The following NGRN variants were observed in gnomAD, a reference collection of about 807,000 sequenced individuals.
The protein encoded by NGRN is neugrin, neurite outgrowth associated.
In NGRN, 12 loss-of-function variants were observed where a neutral mutation model predicts 13.1. The observed-to-expected ratio is 0.92, with a 90% CI of 0.59 to 1.49. The LOEUF is 1.49. Ranked by LOEUF, NGRN falls within the 40% of genes most tolerant of loss-of-function variation. The pLI, the probability that NGRN is intolerant of heterozygous loss-of-function variation, is 0.00. For missense variants in NGRN, 397 were observed against 357.0 expected, an observed-to-expected ratio of 1.11 and a Z score of -0.90; for synonymous variants, 149 against 145.8, an observed-to-expected ratio of 1.02 and a Z score of -0.16.
chr15:90,270,026 C>G (rs951124846), intron 2 of NGRN, among the ~76,000 whole-genome samples: 8 of 152,198 alleles, frequency 5.3e-5, no homozygotes, highest in African/African-American at 1.9e-4. Context: ...TCTGCCTATA[C>G]TTTTGTCACT....
intron 2 of NGRN, among the ~76,000 whole-genome samples, chr15:90,269,400 A>G (rs1963474890): frequency 6.6e-6 from 1 of 151,922 alleles, no homozygotes; most frequent in Non-Finnish European, 1.5e-5. Flanking sequence ...ATATAGGTGT[A>G]CATGTGCCAT....
At chr15:90,268,228 C>G (rs945327131) in intron 2 of NGRN, among the ~76,000 whole-genome samples, 3 of 151,674 alleles carry the variant, frequency 2.0e-5, no homozygotes, top group African/African-American at 7.3e-5. Context: ...GTCTCAAACC[C>G]CTGACCTCAG....
chr15:90,271,438 C>T lies in NGRN; in HGVS notation c.526C>T (p.Pro176Ser), dbSNP rs370660196. Residue 176 changes from proline to serine, a missense_variant, in exon 3 of 3, where the codon CCA becomes TCA. Transcript: ENST00000379095. ...GHSVSGSLLM[P>S]GHEASSKDPN... is the part of the protein sequence containing the mutation. ...CTCTGTATCAGGCTCTTTGCTTATG[C>T]CAGGGCATGAAGCCTCATCTAAAGA... 1.9e-5 allele frequency: 31 copies of T among 1,613,874 alleles called. No homozygotes were observed. The highest frequency in any genetic ancestry group is 1.1e-4 in the East Asian group (5 of 44,904).
At chr15:90,266,157 C>T in intron 1 of NGRN, 131 bp from the exon 2 acceptor site, 1 of 1,472,286 alleles carries the variant, frequency 6.8e-7, no homozygotes, top group South Asian at 1.4e-5. Flanking sequence ...CAGCTCTAAG[C>T]CGGCAACATG....
At chr15:90,268,402 AAAAC>A (rs1434237681) in intron 2 of NGRN, among the ~76,000 whole-genome samples, 1 of 151,914 alleles carries the variant, frequency 6.6e-6, no homozygotes, top group African/African-American at 2.4e-5. Context: ...GGAAAAAAAA[AAAAC>A]AGTCCATTAA....
chr15:90,265,851 G>A lies in NGRN; in HGVS notation c.139G>A (p.Glu47Lys), dbSNP rs761237229. 1.2e-6 allele frequency: 2 copies of A among 1,605,558 alleles called. No individual in the cohort carries two copies. The highest frequency in any genetic ancestry group is 1.7e-6 in the Non-Finnish European group (2 of 1,176,262). Residue 47 changes from glutamate to lysine, a missense_variant, in exon 1 of 3, where the codon GAA (glutamate) becomes AAA (lysine). Coordinates refer to ENST00000379095, the MANE Select transcript of NGRN (RefSeq NM_001033088.3). Reference protein sequence around the residue: ...PDPDSDWEPEERELQEVESTL... With the variant: ...PDPDSDWEPEKRELQEVESTL... ...CCCCGATTCCGACTGGGAGCCGGAG[G>A]AACGGGAGCTGCAGGAGGTGGAGAG...
intron 2 of NGRN, among the ~76,000 whole-genome samples, chr15:90,269,610 A>G (rs1963477269): frequency 6.6e-6 from 1 of 151,936 alleles, no homozygotes; most frequent in Non-Finnish European, 1.5e-5. Context: ...TCCCTGCCTG[A>G]TGCTAGCCAC....
At chr15:90,270,722 CTGT>C (rs1276504080) in intron 2 of NGRN, among the ~76,000 whole-genome samples, 1 of 152,330 alleles carries the variant, frequency 6.6e-6, no homozygotes, top group East Asian at 1.9e-4. Context: ...TCAGGTGTTG[CTGT>C]TGACACACAG....
Position 90,271,407 on chromosome 15 carries a change from A to C in NGRN, c.495A>C (p.Ala165=). 6.2e-7 allele frequency: 1 copy of C among 1,614,060 alleles called. No individual in the cohort carries two copies. Among genetic ancestry groups the C allele is most frequent in the South Asian group, 1.1e-5 (1 of 91,090 alleles). Residue 165 remains alanine, a synonymous_variant, in exon 3 of 3, where the codon GCA becomes GCC. Coordinates refer to ENST00000379095, the MANE Select transcript of NGRN (RefSeq NM_001033088.3). ...GAAATACCTCAAAGCTGCTCCCTGC[A>C]GGCCACTCTGTATCAGGCTCTTTGC... is the stretch of plus-strand genomic sequence containing the variant. The part of the protein sequence containing the change: ...GSGNTSKLLP[A]GHSVSGSLLM...
intron 2 of NGRN, among the ~76,000 whole-genome samples, chr15:90,269,351 T>C (rs1425259210): frequency 6.6e-6 from 1 of 151,702 alleles, no homozygotes; most frequent in East Asian, 1.9e-4. Flanking sequence ...AATTTTACTT[T>C]AAGTTCTGGG....
rs1239868736 is a variant in NGRN at position 90,271,406 on chromosome 15, C to G, written c.494C>G (p.Ala165Gly). The stretch of plus-strand genomic sequence containing the variant: ...GGAAATACCTCAAAGCTGCTCCCTG[C>G]AGGCCACTCTGTATCAGGCTCTTTG... ...GSGNTSKLLP[A>G]GHSVSGSLLM... Residue 165 changes from alanine (A) to glycine (G), a missense_variant, in exon 3 of 3, where the codon GCA becomes GGA. By Grantham distance (60) the Ala-to-Gly change is moderately conservative (BLOSUM62 0). Coordinates refer to ENST00000379095, the MANE Select transcript of NGRN (RefSeq NM_001033088.3). The G allele has an allele frequency of 1.9e-6, 3 of 1,613,930 alleles. No homozygotes were observed. Among genetic ancestry groups the G allele is most frequent in the Non-Finnish European group, 2.5e-6 (3 of 1,179,994 alleles).
rs777976665 is a variant in NGRN at position 90,265,918 on chromosome 15, C to G, written c.164+42C>G. ...GGGCCCTCAGCTTGAAGCAGGGCCT[C>G]GTGCCCCGGCGCTCCAGGCCGCGCC... On this transcript the variant is annotated intron_variant, in intron 1 of 2. Transcript: ENST00000379095. 1.7e-5 allele frequency: 24 copies of G among 1,445,874 alleles called. No homozygotes were observed. In the African/African-American group the frequency reaches 2.9e-4, roughly 18 times the overall value. 89.6% of individuals were successfully genotyped at this position (1,445,874 alleles called of 1,614,324 possible).
Position 90,271,995 on chromosome 15 carries a change from A to G in NGRN, c.*207A>G, listed in dbSNP as rs1963512859. The G allele has an allele frequency of 3.3e-6, 2 of 603,588 alleles. No homozygotes were observed. Among genetic ancestry groups the G allele is most frequent in the Non-Finnish European group, 5.7e-6 (2 of 351,630 alleles). The allele number at this position is 603,588 out of a possible 1,614,324, so 37.4% of individuals were successfully genotyped here. A position where few individuals can be genotyped will look rare whatever the true frequency, so the allele number is the denominator to read the frequency against. ...AGTCTGACCTCTGTAGACCTTCAGTACTCACTCTTCTTGCTTAGGCTCTCT... is the reference window on the plus strand; with the variant it reads ...AGTCTGACCTCTGTAGACCTTCAGTGCTCACTCTTCTTGCTTAGGCTCTCT... On this transcript the variant is annotated 3_prime_UTR_variant, in exon 3 of 3. Transcript: ENST00000379095.
chr15:90,265,944 C>T (rs1780595699), intron 1 of NGRN, 68 bp downstream of exon 1: 7 of 1,431,338 alleles, frequency 4.9e-6, no homozygotes, highest in Non-Finnish European at 6.4e-6. Flanking sequence ...AGGCCGCGCC[C>T]CCTTGGCGCC....
At position 90,268,001 on chromosome 15, in the gene NGRN, G is replaced by A. The variant is rs143689904; in HGVS notation, c.275+1603G>A. Among the ~76,000 whole-genome samples, 161 of 151,900 alleles carry A rather than the reference G, an allele frequency of 1.1e-3. 2 individuals carry two copies. In the East Asian group the frequency reaches 0.024, roughly 22 times the overall value. ...GTCAGGTCTAGCTCCTCTTTTTTTC[G>A]TTTGTTTGTTTGTTTTTTGTTTGAG... On this transcript the variant is annotated intron_variant, in intron 2 of 2. Coordinates refer to ENST00000379095, the MANE Select transcript of NGRN (RefSeq NM_001033088.3).
At position 90,271,401 on chromosome 15, in the gene NGRN, C is replaced by T. The variant is rs760217610; in HGVS notation, c.489C>T (p.Leu163=). ...LRGSGNTSKL[L]PAGHSVSGSL... ...GCTCTGGAAATACCTCAAAGCTGCT[C>T]CCTGCAGGCCACTCTGTATCAGGCT... Residue 163 remains leucine (L), a synonymous_variant, in exon 3 of 3, where the codon CTC becomes CTT. Transcript: ENST00000379095. The T allele has an allele frequency of 1.2e-6, 2 of 1,614,002 alleles. No homozygotes were observed. The highest frequency in any genetic ancestry group is 1.1e-5 in the South Asian group (1 of 91,082).
chr15:90,271,801 CT>C lies in NGRN; in HGVS notation c.*15del, dbSNP rs748242047. 3 of 1,610,486 alleles carry C rather than the reference CT, an allele frequency of 1.9e-6. No homozygotes were observed. The highest frequency in any genetic ancestry group is 2.5e-6 in the Non-Finnish European group (3 of 1,177,526). ...GTACAGAATTTGAGTCGGGGCTTGG[CT>C]TATGGAGATGCCTCGTGAAACACAG... On this transcript the variant is annotated 3_prime_UTR_variant, in exon 3 of 3. Coordinates refer to ENST00000379095, the MANE Select transcript of NGRN (RefSeq NM_001033088.3).
At chr15:90,270,362 A>G (rs1963486100) in intron 2 of NGRN, among the ~76,000 whole-genome samples, 1 of 152,148 alleles carries the variant, frequency 6.6e-6, no homozygotes. Flanking sequence ...ACATTTCACA[A>G]GCTCTTCACT....
At chr15:90,268,486 CAGAG>C (rs1963460155) in intron 2 of NGRN, among the ~76,000 whole-genome samples, 2 of 151,788 alleles carry the variant, frequency 1.3e-5, no homozygotes, top group Non-Finnish European at 2.9e-5. Context: ...ACTCCCATTT[CAGAG>C]GAAATGGGAG....
Sources: allele counts gnomAD v4.1 joint callset (sites outside exome capture counted in the v4.1 genomes callset), GRCh38; gene constraint gnomAD v4.1.1; transcripts MANE v1.5; gene names NCBI Gene and HGNC (gene_info 2026-07-23, HGNC 2026-07-21).